Variants in TENM2 observed in about 807,000 individuals in gnomAD.
TENM2 encodes the protein teneurin transmembrane protein 2.
A neutral mutation model predicts 245.2 loss-of-function variants in TENM2; 52 were observed. The observed-to-expected ratio is 0.21, with a 90% CI of 0.17 to 0.27. TENM2 has a LOEUF of 0.27. TENM2 is among the 10% of genes least tolerant of loss of function. TENM2 has a pLI of 1.00. For synonymous variants in TENM2, 1,363 were observed against 1,438.9 expected (o/e 0.95, Z 1.19); for missense variants, 3,046 against 3,666.8 (o/e 0.83, Z 4.37).
At chr5:167,501,846 A>C (rs372137451) in intron 2 of TENM2, among the ~76,000 whole-genome samples, 152 of 152,262 alleles carry the variant, frequency 1.0e-3, no homozygotes, top group African/African-American at 3.6e-3. Context: ...ATTGCAACAG[A>C]AGCACAAGTA....
chr5:167,531,116 T>C (rs1243359087), intron 2 of TENM2, among the ~76,000 whole-genome samples: 2 of 152,196 alleles, frequency 1.3e-5, no homozygotes, highest in Admixed American at 1.3e-4. Flanking sequence ...TGGAAGTGGC[T>C]GAAGCAGTGG....
the TENM2 span, among the ~76,000 whole-genome samples, chr5:167,218,503 CG>C: frequency 2.0e-5 from 3 of 152,018 alleles, no homozygotes; most frequent in Non-Finnish European, 4.4e-5. Flanking sequence ...AGGGAGCTGC[CG>C]TCTTCTGGGT....
chr5:168,013,165 A>T (rs1184306138), intron 5 of TENM2, among the ~76,000 whole-genome samples: 2 of 152,102 alleles, frequency 1.3e-5, no homozygotes, highest in Non-Finnish European at 2.9e-5. Flanking sequence ...ATTAATCAGA[A>T]CTGTGTTATA....
At chr5:167,149,249 C>A in the TENM2 span, among the ~76,000 whole-genome samples, 43,864 of 151,600 alleles carry the variant, frequency 0.29, 9,366 homozygotes, top group African/African-American at 0.6. Flanking sequence ...TGCAACCTCC[C>A]AGAGGCCTGT....
intron 2 of TENM2, among the ~76,000 whole-genome samples, chr5:167,702,440 G>T (rs2150444538): frequency 6.6e-6 from 1 of 151,658 alleles, no homozygotes; most frequent in South Asian, 2.1e-4. Flanking sequence ...ATACACTGAT[G>T]CTATGATTTG....
intron 2 of TENM2, among the ~76,000 whole-genome samples, chr5:167,842,580 CAAAAAA>C (rs1160974467): frequency 0.068 from 3,076 of 44,994 alleles, 39 homozygotes; most frequent in African/African-American, 0.13. Flanking sequence ...GACTCCATGT[CAAAAAA>C]AAAAAAAAAA....
At chr5:167,996,630 G>A (rs1443900853) in intron 5 of TENM2, among the ~76,000 whole-genome samples, 1 of 152,298 alleles carries the variant, frequency 6.6e-6, no homozygotes, top group Middle Eastern at 3.4e-3. Context: ...TAGACAAGAT[G>A]TATTGTGTTA....
intron 4 of TENM2, among the ~76,000 whole-genome samples, chr5:167,971,562 G>A (rs1413432483): frequency 3.9e-5 from 6 of 152,148 alleles, no homozygotes; most frequent in Admixed American, 1.3e-4. Flanking sequence ...TTAGCCAGGC[G>A]TGGTGGTGCA....
rs1205744153 is a variant in TENM2 at position 167,776,728 on chromosome 5, G to C, written c.503-99258G>C. ...GGGCCAACCTTTCTCTTTGAGTGTG[G>C]GATTGTTTCTTTCTTGCATAAACCA... On this transcript the variant is annotated intron_variant, in intron 2 of 28. Coordinates refer to ENST00000518659, the Ensembl canonical transcript of TENM2. 2.8e-5 allele frequency among the ~76,000 whole-genome samples: 4 copies of C among 142,298 alleles called. No individual in the cohort carries two copies. In the East Asian group the frequency reaches 8.6e-4, roughly 31 times the overall value. The allele number at this position is 142,298 out of a possible 152,430, so 93.4% of individuals were successfully genotyped here. A position where few individuals can be genotyped will look rare whatever the true frequency, so the allele number is the denominator to read the frequency against.
At chr5:167,922,505 C>T (rs1777449564) in intron 3 of TENM2, among the ~76,000 whole-genome samples, 1 of 152,204 alleles carries the variant, frequency 6.6e-6, no homozygotes, top group Non-Finnish European at 1.5e-5. Flanking sequence ...GCAACAAGCC[C>T]AGGGAAAGTC....
the TENM2 span, among the ~76,000 whole-genome samples, chr5:167,227,178 G>A: frequency 6.6e-6 from 1 of 151,880 alleles, no homozygotes; most frequent in Admixed American, 6.6e-5. Context: ...TATGTTGAAG[G>A]TTATTGTTGA....
intron 27 of TENM2, among the ~76,000 whole-genome samples, chr5:168,249,839 C>A (rs1436588860): frequency 1.3e-5 from 2 of 151,654 alleles, no homozygotes; most frequent in East Asian, 3.9e-4. Context: ...AGCCTGCGCA[C>A]AGAGTGAGAA....
chr5:167,428,398 G>A (rs895669659), intron 2 of TENM2, among the ~76,000 whole-genome samples: 1 of 151,964 alleles, frequency 6.6e-6, no homozygotes, highest in Non-Finnish European at 1.5e-5. Context: ...CTGCTATTGT[G>A]TTTTTTTAAA....
the TENM2 span, among the ~76,000 whole-genome samples, chr5:167,238,678 T>G: frequency 6.9e-6 from 1 of 145,202 alleles, no homozygotes; most frequent in Non-Finnish European, 1.5e-5. Context: ...CTTCTGTCCT[T>G]GTAATACAGG....
At chr5:167,118,862 TAAG>T in the TENM2 span, among the ~76,000 whole-genome samples, 2 of 152,188 alleles carry the variant, frequency 1.3e-5, no homozygotes, top group South Asian at 2.1e-4. Context: ...TGTTTATTCT[TAAG>T]AAGGACTTCA....
At chr5:167,733,627 T>C (rs527638134) in intron 2 of TENM2, among the ~76,000 whole-genome samples, 1 of 152,314 alleles carries the variant, frequency 6.6e-6, no homozygotes, top group Admixed American at 6.5e-5. Context: ...AGTTAGTTTT[T>C]AATAAGCTGA....
intron 2 of TENM2, among the ~76,000 whole-genome samples, chr5:167,618,128 G>A (rs969137749): frequency 1.3e-5 from 2 of 152,088 alleles, no homozygotes; most frequent in Non-Finnish European, 2.9e-5. Context: ...AGCAACATAC[G>A]ATGGTGATAA....
intron 2 of TENM2, among the ~76,000 whole-genome samples, chr5:167,680,549 G>A (rs911556935): frequency 1.3e-5 from 2 of 152,092 alleles, no homozygotes; most frequent in Admixed American, 6.6e-5. Context: ...GGAGTGACAC[G>A]AGGAGATGCA....
intron 1 of TENM2, among the ~76,000 whole-genome samples, chr5:167,373,327 T>C (rs1051096519): frequency 1.3e-5 from 2 of 152,132 alleles, no homozygotes; most frequent in East Asian, 3.9e-4. Flanking sequence ...AAAAATGATA[T>C]CGAGTATGTA....
Sources: allele counts gnomAD v4.1 joint callset (sites outside exome capture counted in the v4.1 genomes callset), GRCh38; gene constraint gnomAD v4.1.1; transcripts MANE v1.5; gene names NCBI Gene and HGNC (gene_info 2026-07-23, HGNC 2026-07-21).